The following CUBN variants were observed in gnomAD, a reference collection of about 807,000 sequenced individuals.
The protein encoded by CUBN is cubilin.
CUBN carries 282 observed loss-of-function variants against 405.3 expected under a neutral mutation model. That is an observed-to-expected ratio of 0.70 (90% confidence interval 0.63 to 0.77). The LOEUF (loss-of-function observed/expected upper bound fraction) is 0.77. CUBN is among the 30% of genes least tolerant of loss of function. The probability of loss-of-function intolerance (pLI) is 0.00; values close to 1 mark genes in which losing one functional copy is unlikely to be tolerated. For missense variants in CUBN, 4,514 were observed against 4,475.2 expected (o/e 1.01, Z -0.25); for synonymous variants, 1,684 against 1,617.0 (o/e 1.04, Z -0.99).
chr10:17,028,972 C>T (rs904156795), intron 27 of CUBN, among the ~76,000 whole-genome samples: 3 of 152,180 alleles, frequency 2.0e-5, no homozygotes, highest in Non-Finnish European at 4.4e-5. Context: ...GTGGAAGAGA[C>T]CTTTCGGTTG....
chr10:17,047,269 T>G, intron 23 of CUBN, 145 bp downstream of exon 23: 1 of 630,744 alleles, frequency 1.6e-6, no homozygotes. Context: ...AGGCTCCAAA[T>G]GACAAACTTT....
intron 29 of CUBN, among the ~76,000 whole-genome samples, chr10:16,988,266 G>T (rs899045819): frequency 3.3e-5 from 5 of 152,328 alleles, no homozygotes; most frequent in East Asian, 3.9e-4. Context: ...CCAGCCCTTT[G>T]TAAGTGATAA....
chr10:16,882,591 C>A (rs1354997467), intron 56 of CUBN, among the ~76,000 whole-genome samples: 7 of 152,072 alleles, frequency 4.6e-5, no homozygotes, highest in Non-Finnish European at 1.5e-5. Context: ...AGAGTTGGAC[C>A]ACAGTTTTTC....
At chr10:16,935,974 G>A (rs1423333238) in intron 39 of CUBN, among the ~76,000 whole-genome samples, 3 of 150,944 alleles carry the variant, frequency 2.0e-5, no homozygotes, top group Non-Finnish European at 4.4e-5. Flanking sequence ...GGTTTTTTAA[G>A]TTTTAATGAC....
chr10:16,941,567 C>A (rs192718193), intron 36 of CUBN, among the ~76,000 whole-genome samples: 1 of 152,030 alleles, frequency 6.6e-6, no homozygotes. Context: ...GAATAGGCTG[C>A]GTGTGGTAGC....
intron 31 of CUBN, among the ~76,000 whole-genome samples, chr10:16,973,562 G>C (rs9888018): frequency 0.034 from 5,140 of 152,262 alleles, 281 homozygotes; most frequent in African/African-American, 0.12. Context: ...TGTCATGGGG[G>C]TTTGGTGTAC....
Position 17,078,274 on chromosome 10 carries a change from G to A in CUBN, c.2301+5997C>T, listed in dbSNP as rs531603818. Among the ~76,000 whole-genome samples the A allele has an allele frequency of 6.4e-4, 98 of 152,294 alleles. 1 individual carries two copies. The South Asian group carries it at 9.3e-3, about 15-fold the overall frequency. ...ATATTTCTCTTTTCCATCCCTGTGTGATTCCAGCCACCCTGGTCTATTTCC... is the reference window on the plus strand; with the variant it reads ...ATATTTCTCTTTTCCATCCCTGTGTAATTCCAGCCACCCTGGTCTATTTCC... On this transcript the variant is annotated intron_variant, in intron 17 of 66. Coordinates refer to ENST00000377833, the MANE Select transcript of CUBN (RefSeq NM_001081.4).
In CUBN at chr10:16,913,852, T is replaced by A; in HGVS notation, c.7492A>T (p.Arg2498Trp). Residue 2498 changes from arginine to tryptophan, a missense_variant, in exon 48 of 67, where the codon AGG becomes TGG. By Grantham distance (101) the Arg-to-Trp change is moderately radical (BLOSUM62 -3). Coordinates refer to ENST00000377833, the MANE Select transcript of CUBN (RefSeq NM_001081.4). ...TTGCAGGACGGATGCGTGGCCAGCC[T>A]CAGGTTGTTAAACATTAGGGTGATC... The part of the protein sequence containing the change: ...RRITLMFNNL[R>W]LATHPSCNNE... 6.2e-7 allele frequency: 1 copy of A among 1,614,080 alleles called. No individual in the cohort carries two copies. The highest frequency in any genetic ancestry group is 1.1e-5 in the South Asian group (1 of 91,076).
intron 60 of CUBN, 71 bp from the exon 61 acceptor site, chr10:16,841,118 G>A (rs151308942): frequency 8.6e-6 from 12 of 1,401,540 alleles, no homozygotes; most frequent in South Asian, 8.3e-5. Flanking sequence ...TAAATTGGAC[G>A]CGAAGTTGCA....
At chr10:17,127,598 C>T (rs1033360953) in intron 3 of CUBN, among the ~76,000 whole-genome samples, 33 of 152,078 alleles carry the variant, frequency 2.2e-4, no homozygotes, top group Non-Finnish European at 4.0e-4. Flanking sequence ...TGAGCCACTG[C>T]TCCCAGCCCA....
chr10:16,898,193 A>C (rs1352685676), intron 54 of CUBN, among the ~76,000 whole-genome samples: 1 of 152,074 alleles, frequency 6.6e-6, no homozygotes, highest in Admixed American at 6.5e-5. Context: ...AATAAAAGCC[A>C]CTTTGACTCA....
chr10:16,879,355 A>G (rs1840604653), intron 56 of CUBN, among the ~76,000 whole-genome samples: 1 of 152,266 alleles, frequency 6.6e-6, no homozygotes, highest in Non-Finnish European at 1.5e-5. Context: ...TACAAGCCAC[A>G]AGAACAAAAT....
chr10:16,862,939 G>C (rs1489071406), intron 59 of CUBN, among the ~76,000 whole-genome samples: 1 of 152,224 alleles, frequency 6.6e-6, no homozygotes, highest in Non-Finnish European at 1.5e-5. Context: ...ACAATACCAT[G>C]TGGTTTTATT....
chr10:17,012,806 T>G (rs1462921160), intron 28 of CUBN, among the ~76,000 whole-genome samples: 2 of 152,240 alleles, frequency 1.3e-5, no homozygotes, highest in African/African-American at 4.8e-5. Context: ...TTTTCCTAAC[T>G]CTGCTTCCAT....
At position 16,947,218 on chromosome 10, in the gene CUBN, C is replaced by A; in HGVS notation, c.5342+17G>T. 1.9e-6 allele frequency: 3 copies of A among 1,613,582 alleles called. No individual in the cohort carries two copies. Among genetic ancestry groups the A allele is most frequent in the Non-Finnish European group, 2.5e-6 (3 of 1,179,642 alleles). The stretch of plus-strand genomic sequence containing the variant: ...ATTCATTAGCACTGAAACAATACAC[C>A]ATAAAAAAGGATTTACATAAAAGAC... On this transcript the variant is annotated intron_variant, in intron 36 of 66. Transcript: ENST00000377833.
At chr10:16,964,646 T>C (rs1298588691) in intron 31 of CUBN, among the ~76,000 whole-genome samples, 3 of 152,318 alleles carry the variant, frequency 2.0e-5, no homozygotes, top group East Asian at 3.9e-4. Context: ...AAAAGTTCTT[T>C]AGTGTTTCAT....
chr10:16,987,349 TGATGATCA>T (rs1211224947), intron 29 of CUBN, among the ~76,000 whole-genome samples: 2 of 152,226 alleles, frequency 1.3e-5, no homozygotes, highest in Admixed American at 1.3e-4. Context: ...AGAAGTGGTC[TGATGATCA>T]GAGATTTAAA....
intron 45 of CUBN, among the ~76,000 whole-genome samples, chr10:16,917,260 T>C (rs1389073406): frequency 6.6e-6 from 1 of 152,184 alleles, no homozygotes; most frequent in Non-Finnish European, 1.5e-5. Context: ...CTTAAAGTAA[T>C]AAACATACTG....
chr10:17,091,155 G>A (rs941407313), intron 14 of CUBN, among the ~76,000 whole-genome samples: 1 of 152,168 alleles, frequency 6.6e-6, no homozygotes, highest in Non-Finnish European at 1.5e-5. Flanking sequence ...GGTAACTGGA[G>A]TTTGGTTAAA....
Sources: allele counts gnomAD v4.1 joint callset (sites outside exome capture counted in the v4.1 genomes callset), GRCh38; gene constraint gnomAD v4.1.1; transcripts MANE v1.5; gene names NCBI Gene and HGNC (gene_info 2026-07-23, HGNC 2026-07-21).